Variants in SORCS3 observed in about 807,000 individuals in gnomAD.
SORCS3 encodes the protein sortilin related VPS10 domain containing receptor 3, also known as VPS10 domain-containing receptor SorCS3.
In SORCS3, 57 loss-of-function variants were observed where a neutral mutation model predicts 146.3. That is an observed-to-expected ratio of 0.39 (90% CI 0.31 to 0.49). SORCS3 has a LOEUF of 0.49. Among genes scored for constraint, SORCS3 ranks in the 20% least tolerant of loss-of-function variants. SORCS3 has a pLI of 0.92. For synonymous variants in SORCS3, 653 were observed against 618.5 expected, an observed-to-expected ratio of 1.06 and a Z score of -0.83; for missense variants, 1,341 against 1,575.5, an observed-to-expected ratio of 0.85 and a Z score of 2.52.
intron 2 of SORCS3, among the ~76,000 whole-genome samples, chr10:104,864,341 A>C (rs1407022513): frequency 6.6e-6 from 1 of 152,182 alleles, no homozygotes; most frequent in Non-Finnish European, 1.5e-5. Flanking sequence ...TCCAATGTGC[A>C]TGACCTCCCT....
At chr10:105,187,207 T>C (rs185837797) in intron 14 of SORCS3, among the ~76,000 whole-genome samples, 3 of 152,322 alleles carry the variant, frequency 2.0e-5, no homozygotes, top group African/African-American at 7.2e-5. Context: ...TCGGTTTTCC[T>C]TCCACCCACC....
chr10:105,135,655 G>A (rs1293347419), intron 7 of SORCS3, among the ~76,000 whole-genome samples: 1 of 152,136 alleles, frequency 6.6e-6, no homozygotes, highest in Non-Finnish European at 1.5e-5. Context: ...AAAAAGCCAT[G>A]CAGCACTCTC....
intron 14 of SORCS3, among the ~76,000 whole-genome samples, chr10:105,183,226 G>A (rs1397549808): frequency 6.6e-6 from 1 of 152,190 alleles, no homozygotes; most frequent in Non-Finnish European, 1.5e-5. Flanking sequence ...CAATTGCCTT[G>A]TTGACTCCTC....
intron 1 of SORCS3, among the ~76,000 whole-genome samples, chr10:104,818,412 C>T (rs1408146568): frequency 1.4e-5 from 2 of 145,434 alleles, no homozygotes; most frequent in African/African-American, 5.0e-5. Context: ...TTCTTTCTCT[C>T]TTTTTTTTTT....
chr10:105,144,862 CT>C (rs2056120260), intron 8 of SORCS3, among the ~76,000 whole-genome samples: 1 of 152,050 alleles, frequency 6.6e-6, no homozygotes, highest in Non-Finnish European at 1.5e-5. Flanking sequence ...GCTAATTATG[CT>C]TTTCTTTTTC....
At chr10:105,001,092 G>A (rs1010353090) in intron 4 of SORCS3, among the ~76,000 whole-genome samples, 9 of 152,142 alleles carry the variant, frequency 5.9e-5, no homozygotes, top group African/African-American at 1.2e-4. Flanking sequence ...TGTGGCTTTT[G>A]TATTTCTCCT....
chr10:105,116,673 G>T (rs1432559698), intron 7 of SORCS3, among the ~76,000 whole-genome samples: 1 of 151,884 alleles, frequency 6.6e-6, no homozygotes, highest in Non-Finnish European at 1.5e-5. Context: ...AAAAAAAATG[G>T]CACATATACA....
chr10:105,242,815 ATT>A (rs1485853873), intron 20 of SORCS3, among the ~76,000 whole-genome samples: 4 of 63,164 alleles, frequency 6.3e-5, no homozygotes, highest in Non-Finnish European at 1.2e-4. Context: ...ATTTATATAT[ATT>A]TTTATATATA....
chr10:105,227,270 A>G (rs2056739035), intron 20 of SORCS3, among the ~76,000 whole-genome samples: 3 of 151,910 alleles, frequency 2.0e-5, no homozygotes, highest in African/African-American at 7.2e-5. Flanking sequence ...TTTGTTTCAA[A>G]ATTTTTAAAA....
chr10:104,680,214 G>T (rs961100201), intron 1 of SORCS3, among the ~76,000 whole-genome samples: 6 of 152,204 alleles, frequency 3.9e-5, no homozygotes, highest in Admixed American at 2.0e-4. Flanking sequence ...TCACTGTTGA[G>T]TCCTAGATGA....
chr10:104,726,812 T>C (rs1195456862), intron 1 of SORCS3, among the ~76,000 whole-genome samples: 1 of 152,142 alleles, frequency 6.6e-6, no homozygotes, highest in Non-Finnish European at 1.5e-5. Flanking sequence ...TCTGCCCTTT[T>C]TTTCCAGAGC....
intron 4 of SORCS3, among the ~76,000 whole-genome samples, chr10:105,041,492 T>C (rs1653061047): frequency 6.7e-6 from 1 of 150,096 alleles, no homozygotes; most frequent in African/African-American, 2.4e-5. Flanking sequence ...TATATATACA[T>C]ATATACCTAC....
In SORCS3 at chr10:105,128,858, A is replaced by C. The variant is rs150394844; in HGVS notation, c.1213-10539A>C. ...TGTTTGTAGAGCATTTTCTGGTTACATGAAAGCATTTTATTATGTTGTTTA... is the reference window on the plus strand; with the variant it reads ...TGTTTGTAGAGCATTTTCTGGTTACCTGAAAGCATTTTATTATGTTGTTTA... On this transcript the variant is annotated intron_variant, in intron 7 of 26. Coordinates refer to ENST00000369701, the MANE Select transcript of SORCS3 (RefSeq NM_014978.3). 6.0e-4 allele frequency among the ~76,000 whole-genome samples: 92 copies of C among 152,322 alleles called. 1 individual carries two copies. The East Asian group carries it at 0.016, about 26-fold the overall frequency.
intron 1 of SORCS3, among the ~76,000 whole-genome samples, chr10:104,741,345 G>A (rs1206686939): frequency 1.3e-5 from 2 of 152,078 alleles, no homozygotes; most frequent in South Asian, 2.1e-4. Context: ...ACACTTGGCC[G>A]TTGTGGTCCT....
At chr10:104,850,338 T>G (rs1589523031) in intron 2 of SORCS3, among the ~76,000 whole-genome samples, 1 of 152,252 alleles carries the variant, frequency 6.6e-6, no homozygotes, top group Admixed American at 6.5e-5. Flanking sequence ...ATCCTAGCAT[T>G]TTGGGAGGCT....
intron 4 of SORCS3, among the ~76,000 whole-genome samples, chr10:104,990,594 G>T (rs1426961334): frequency 4.6e-5 from 7 of 152,000 alleles, no homozygotes; most frequent in Admixed American, 4.6e-4. Flanking sequence ...AACTCCCCAG[G>T]CTGTCCACCT....
chr10:104,813,997 C>T (rs1436678889), intron 1 of SORCS3, among the ~76,000 whole-genome samples: 1 of 127,862 alleles, frequency 7.8e-6, no homozygotes, highest in African/African-American at 2.9e-5. Flanking sequence ...ATGTTTTTTT[C>T]CCCCTATTCC....
At chr10:105,089,875 ATCTG>A in intron 6 of SORCS3, 36 bp downstream of exon 6, 7 of 1,560,986 alleles carry the variant, frequency 4.5e-6, no homozygotes, top group Non-Finnish European at 6.2e-6. Flanking sequence ...GCCCAGGGAG[ATCTG>A]CCTGCAGGTC....
At chr10:105,193,167 T>G (rs906312805) in intron 14 of SORCS3, among the ~76,000 whole-genome samples, 3 of 152,152 alleles carry the variant, frequency 2.0e-5, no homozygotes, top group African/African-American at 7.2e-5. Flanking sequence ...GGAGGTGGGT[T>G]ATTTAGGGTC....
Sources: gnomAD v4.1 joint callset for allele counts (sites outside exome capture counted in the v4.1 genomes callset) on GRCh38, gnomAD v4.1.1 for gene constraint, MANE v1.5 for transcripts, NCBI Gene and HGNC (gene_info 2026-07-23, HGNC 2026-07-21) for gene names.